The following PPARGC1A variants were observed in gnomAD, a reference collection of about 807,000 sequenced individuals.
The protein encoded by PPARGC1A is PPARG coactivator 1 alpha.
Under a neutral mutation model 88.7 loss-of-function variants are expected in PPARGC1A, and 25 were observed. That is an observed-to-expected ratio of 0.28 (90% CI 0.21 to 0.39). The LOEUF (loss-of-function observed/expected upper bound fraction) is 0.39, where lower values mean the gene tolerates loss of function less well. Ranked by LOEUF, PPARGC1A falls within the 10% of genes least tolerant of loss-of-function variation. The probability of loss-of-function intolerance (pLI) is 1.00; values close to 1 mark genes in which losing one functional copy is unlikely to be tolerated. For synonymous variants in PPARGC1A, 363 were observed against 355.6 expected (o/e 1.02, Z -0.24); for missense variants, 880 against 968.7 (o/e 0.91, Z 1.22).
chr4:24,464,842 C>G, the PPARGC1A span, among the ~76,000 whole-genome samples: 1 of 152,170 alleles, frequency 6.6e-6, no homozygotes, highest in Non-Finnish European at 1.5e-5. Context: ...TCCCCTCCAC[C>G]GCATGTTTCT....
upstream of PPARGC1A, among the ~76,000 whole-genome samples, chr4:23,904,244 C>A (rs1268430673): frequency 1.3e-5 from 2 of 152,176 alleles, no homozygotes; most frequent in East Asian, 3.9e-4. Flanking sequence ...TGTACAGTAT[C>A]ATGTGCTTTC....
the PPARGC1A span, among the ~76,000 whole-genome samples, chr4:24,094,873 A>G: frequency 6.6e-6 from 1 of 152,168 alleles, no homozygotes; most frequent in East Asian, 1.9e-4. Flanking sequence ...ATAAAAATAA[A>G]CATCAAGGAA....
the PPARGC1A span, among the ~76,000 whole-genome samples, chr4:24,206,627 T>A: frequency 6.6e-6 from 1 of 151,530 alleles, no homozygotes; most frequent in Non-Finnish European, 1.5e-5. Context: ...AGGCCAGGAG[T>A]TCGAGACCAG....
At chr4:24,289,240 A>G in the PPARGC1A span, among the ~76,000 whole-genome samples, 17 of 149,488 alleles carry the variant, frequency 1.1e-4, no homozygotes, top group Admixed American at 2.0e-4. Flanking sequence ...AAAAAAAAAA[A>G]AAAGAGAGAG....
chr4:24,153,925 G>C, the PPARGC1A span, among the ~76,000 whole-genome samples: 3 of 152,068 alleles, frequency 2.0e-5, no homozygotes, highest in Non-Finnish European at 4.4e-5. Flanking sequence ...AAACAAAAAG[G>C]TAGAGAAAAT....
chr4:23,921,899 C>T, the PPARGC1A span, among the ~76,000 whole-genome samples: 4 of 152,314 alleles, frequency 2.6e-5, no homozygotes, highest in African/African-American at 7.2e-5. Context: ...CTACAAGTGT[C>T]GGAGAGCACG....
the PPARGC1A span, among the ~76,000 whole-genome samples, chr4:24,388,173 G>T: frequency 6.7e-6 from 1 of 150,242 alleles, no homozygotes; most frequent in African/African-American, 2.4e-5. Flanking sequence ...GTGGGCAAAG[G>T]ATATGAACAG....
chr4:24,248,217 C>A, the PPARGC1A span, among the ~76,000 whole-genome samples: 1 of 152,092 alleles, frequency 6.6e-6, no homozygotes. Context: ...CTCCGCCTCC[C>A]GGGTTCACGC....
At chr4:24,018,246 A>G in the PPARGC1A span, among the ~76,000 whole-genome samples, 2 of 152,224 alleles carry the variant, frequency 1.3e-5, no homozygotes, top group Admixed American at 1.3e-4. Context: ...GACTTGATAT[A>G]GAACTATTCT....
chr4:24,023,073 T>C, the PPARGC1A span, among the ~76,000 whole-genome samples: 1 of 152,160 alleles, frequency 6.6e-6, no homozygotes, highest in Non-Finnish European at 1.5e-5. Flanking sequence ...CTACTATAAG[T>C]ATTTTTAGTT....
chr4:23,877,537 C>CAAAAAAAAA (rs11354781), intron 2 of PPARGC1A, among the ~76,000 whole-genome samples: 6 of 49,870 alleles, frequency 1.2e-4, no homozygotes, highest in East Asian at 6.3e-4. Flanking sequence ...GACTCCATCT[C>CAAAAAAAAA]AAAAAAAAAA....
the PPARGC1A span, among the ~76,000 whole-genome samples, chr4:24,461,665 T>G: frequency 1.8e-3 from 270 of 152,144 alleles, 1 homozygote; most frequent in African/African-American, 6.2e-3. Context: ...AAAGCTCTCT[T>G]AGGGGGTAGG....
chr4:23,814,654 G>T lies in PPARGC1A; in HGVS notation c.878-49C>A, dbSNP rs141730699. On this transcript the variant is annotated intron_variant, in intron 7 of 12. Transcript: ENST00000264867. Reference sequence around the variant, plus strand: ...AAAAAAAAGAGAGAGAAAGAAAAGAGACAGAGATAATGTTCTTAAATGCGA... The same window carrying T: ...AAAAAAAAGAGAGAGAAAGAAAAGATACAGAGATAATGTTCTTAAATGCGA... 4.9e-6 allele frequency: 7 copies of T among 1,416,480 alleles called. No individual in the cohort carries two copies. The East Asian group carries it at 1.4e-4, about 28-fold the overall frequency. 87.7% of individuals were successfully genotyped at this position (1,416,480 alleles called of 1,614,324 possible).
the PPARGC1A span, among the ~76,000 whole-genome samples, chr4:24,027,228 T>C: frequency 8.5e-6 from 1 of 117,470 alleles, no homozygotes; most frequent in Admixed American, 8.6e-5. Flanking sequence ...TCTGTGTGTC[T>C]GTGTGTGTCT....
the PPARGC1A span, among the ~76,000 whole-genome samples, chr4:24,412,705 C>A: frequency 5.2e-4 from 79 of 152,282 alleles, no homozygotes; most frequent in Non-Finnish European, 8.7e-4. Context: ...TGATCTTGAA[C>A]CCCTGACCTC....
At chr4:24,401,519 C>G in the PPARGC1A span, among the ~76,000 whole-genome samples, 1 of 144,610 alleles carries the variant, frequency 6.9e-6, no homozygotes, top group Non-Finnish European at 1.6e-5. Flanking sequence ...AAGAACCGCA[C>G]CCACCTTCAG....
the PPARGC1A span, among the ~76,000 whole-genome samples, chr4:24,064,072 C>T: frequency 6.6e-6 from 1 of 152,160 alleles, no homozygotes; most frequent in Non-Finnish European, 1.5e-5. Context: ...TCCCTTTCCC[C>T]ATCTCCTTCC....
At chr4:24,300,324 A>ATTTTTTTTTTTTTTTTTTTTTTTT in the PPARGC1A span, among the ~76,000 whole-genome samples, 9 of 45,028 alleles carry the variant, frequency 2.0e-4, 4 homozygotes, top group Non-Finnish European at 3.5e-4. Context: ...ATACAATAGC[A>ATTTTTTTTTTTTTTTTTTTTTTTT]TTTTTTTTTT....
intron 10 of PPARGC1A, among the ~76,000 whole-genome samples, chr4:23,806,052 T>A (rs1441991083): frequency 6.6e-6 from 1 of 152,134 alleles, no homozygotes; most frequent in Non-Finnish European, 1.5e-5. Context: ...AAAAAGAAGA[T>A]ATAACCTAGA....
Sources: allele counts gnomAD v4.1 joint callset (sites outside exome capture counted in the v4.1 genomes callset), GRCh38; gene constraint gnomAD v4.1.1; transcripts MANE v1.5; gene names NCBI Gene and HGNC (gene_info 2026-07-23, HGNC 2026-07-21).